The following DNAH5 variants were observed in gnomAD, a reference collection of about 807,000 sequenced individuals.
DNAH5 encodes the protein dynein axonemal heavy chain 5.
A neutral mutation model predicts 518.2 loss-of-function variants in DNAH5; 372 were observed. The ratio of observed to expected loss-of-function variants is 0.72; its 90% CI spans 0.66 to 0.78. DNAH5 has a LOEUF of 0.78. DNAH5 is among the 30% of genes least tolerant of loss of function. The probability of loss-of-function intolerance (pLI) is 0.00; values close to 1 mark genes in which losing one functional copy is unlikely to be tolerated. For synonymous variants in DNAH5, 2,039 were observed against 2,025.9 expected (o/e 1.01, Z -0.17); for missense variants, 5,523 against 5,687.0 (o/e 0.97, Z 0.93).
At chr5:13,749,179 A>G (rs1013144848) in intron 65 of DNAH5, among the ~76,000 whole-genome samples, 1 of 152,160 alleles carries the variant, frequency 6.6e-6, no homozygotes, top group East Asian at 1.9e-4. Flanking sequence ...TGGGAACAAA[A>G]TAAATAAAGG....
At chr5:13,904,131 A>T (rs961671911) in intron 12 of DNAH5, among the ~76,000 whole-genome samples, 17 of 151,656 alleles carry the variant, frequency 1.1e-4, no homozygotes, top group Non-Finnish European at 8.8e-5. Flanking sequence ...TATTAAAAAT[A>T]TAAATAGAAG....
chr5:13,932,748 G>A (rs948441310), intron 1 of DNAH5, among the ~76,000 whole-genome samples: 3 of 152,206 alleles, frequency 2.0e-5, no homozygotes, highest in African/African-American at 7.2e-5. Flanking sequence ...AGGCAGTCAG[G>A]TGGGTGATGG....
intron 1 of DNAH5, among the ~76,000 whole-genome samples, chr5:14,011,200 G>T (rs536887796): frequency 1.6e-4 from 25 of 152,234 alleles, no homozygotes; most frequent in African/African-American, 6.0e-4. Context: ...AAACCCAAGG[G>T]CTAATGAGAG....
rs1012353769 is a variant in DNAH5, at chr5:13,869,751, C to T, written c.3834+1016G>A. On this transcript the variant is annotated intron_variant, in intron 24 of 78. Transcript: ENST00000265104. Reference sequence around the variant, plus strand: ...ATTCTGAAGTTTTGTTTTATACAATCGTTTTGTGTTTTCTAATTTTTCTAC... The same window carrying T: ...ATTCTGAAGTTTTGTTTTATACAATTGTTTTGTGTTTTCTAATTTTTCTAC... Among the ~76,000 whole-genome samples the T allele has an allele frequency of 2.6e-5, 4 of 151,802 alleles. No individual in the cohort carries two copies. In the East Asian group the frequency reaches 5.8e-4, roughly 22 times the overall value.
At position 13,911,513 on chromosome 5, in the gene DNAH5, A is replaced by G. The variant is rs974141007; in HGVS notation, c.1537-20T>C. 6.4e-7 allele frequency: 1 copy of G among 1,556,142 alleles called. No individual in the cohort carries two copies. Among genetic ancestry groups the G allele is most frequent in the Non-Finnish European group, 8.9e-7 (1 of 1,129,100 alleles). On this transcript the variant is annotated intron_variant, in intron 11 of 78. Coordinates refer to ENST00000265104, the MANE Select transcript of DNAH5 (RefSeq NM_001369.3). ...AATGCCCTGAAATATTATGAGATAA[A>G]TTAGATAATATTTCAATATTCTTAT... is the stretch of plus-strand genomic sequence containing the variant.
chr5:13,719,115 T>G lies in DNAH5; in HGVS notation c.12280-14A>C. 6.2e-7 allele frequency: 1 copy of G among 1,600,820 alleles called. No individual in the cohort carries two copies. Among genetic ancestry groups the G allele is most frequent in the Non-Finnish European group, 8.6e-7 (1 of 1,168,182 alleles). ...TGCCCATCCTCCCTGTCAATAGCAG[T>G]AAACGGAAATTAGGTAGTTTTGTAT... On this transcript the variant is annotated splice_polypyrimidine_tract_variant and intron_variant, in intron 71 of 78. Transcript: ENST00000265104.
intron 1 of DNAH5, among the ~76,000 whole-genome samples, chr5:13,976,633 G>A (rs1238462828): frequency 1.3e-5 from 2 of 151,074 alleles, no homozygotes; most frequent in Admixed American, 1.3e-4. Context: ...TATCTAATCT[G>A]TAAACTGAAC....
At chr5:13,894,152 G>A (rs16902904) in intron 16 of DNAH5, among the ~76,000 whole-genome samples, 2,047 of 152,236 alleles carry the variant, frequency 0.013, 47 homozygotes, top group African/African-American at 0.045. Context: ...AGACATATTT[G>A]AGCCCTTCTT....
intron 62 of DNAH5, among the ~76,000 whole-genome samples, chr5:13,753,840 T>C (rs535730204): frequency 7.2e-5 from 11 of 152,142 alleles, no homozygotes; most frequent in Non-Finnish European, 1.5e-4. Context: ...TAAAACCTCA[T>C]AAGACAGAGC....
At chr5:13,875,028 C>G (rs1182849633) in intron 22 of DNAH5, among the ~76,000 whole-genome samples, 3 of 152,184 alleles carry the variant, frequency 2.0e-5, no homozygotes, top group Non-Finnish European at 2.9e-5. Flanking sequence ...ACTAAGTGTA[C>G]ATATATTCTC....
At chr5:13,963,021 C>T (rs1468277877) in intron 1 of DNAH5, among the ~76,000 whole-genome samples, 8 of 152,050 alleles carry the variant, frequency 5.3e-5, no homozygotes, top group East Asian at 1.9e-4. Context: ...CCAAGTGCTC[C>T]GCCATTTTGA....
upstream of DNAH5, among the ~76,000 whole-genome samples, chr5:13,949,231 G>A (rs931094349): frequency 2.0e-5 from 3 of 152,094 alleles, no homozygotes; most frequent in Admixed American, 2.0e-4. Flanking sequence ...TTTTCCTTTT[G>A]GTCTTTCCAT....
intron 43 of DNAH5, 112 bp downstream of exon 43, chr5:13,814,493 G>T: frequency 9.9e-7 from 1 of 1,012,888 alleles, no homozygotes; most frequent in Non-Finnish European, 1.5e-6. Context: ...ACAAACATTA[G>T]CATAAAAATG....
intron 12 of DNAH5, among the ~76,000 whole-genome samples, chr5:13,904,544 T>C (rs1775057460): frequency 6.6e-6 from 1 of 151,356 alleles, no homozygotes; most frequent in Non-Finnish European, 1.5e-5. Context: ...ATTATGTGTG[T>C]GTGTGTGTTT....
chr5:13,707,398 C>T lies in DNAH5; in HGVS notation c.13338+725G>A, dbSNP rs575389615. ...ACCCAGGAAACAGAAAGCCCTCTGT[C>T]CTTGCGATAAAGAGGGTCTAATTGA... On this transcript the variant is annotated intron_variant, in intron 76 of 78. Transcript: ENST00000265104. This position sits in a 1 kb window ranked among gnomAD's most constrained non-coding sequence, Gnocchi z 4.0. Among the ~76,000 whole-genome samples the T allele has an allele frequency of 1.3e-5, 2 of 152,314 alleles. No homozygotes were observed. The highest frequency in any genetic ancestry group is 2.9e-5 in the Non-Finnish European group (2 of 68,036).
At chr5:13,800,481 C>T (rs1758577987) in intron 47 of DNAH5, among the ~76,000 whole-genome samples, 1 of 152,178 alleles carries the variant, frequency 6.6e-6, no homozygotes, top group African/African-American at 2.4e-5. Flanking sequence ...AAAATTTCCA[C>T]ATCTAACAAC....
At chr5:13,761,865 G>GTATCA (rs1226921108) in intron 60 of DNAH5, among the ~76,000 whole-genome samples, 8 of 152,224 alleles carry the variant, frequency 5.3e-5, no homozygotes, top group Non-Finnish European at 1.0e-4. Flanking sequence ...TATGGTCCTG[G>GTATCA]TATCACAACA....
At chr5:13,737,567 C>T in intron 65 of DNAH5, 72 bp from the exon 66 acceptor site, 1 of 1,503,052 alleles carries the variant, frequency 6.7e-7, no homozygotes, top group Non-Finnish European at 9.2e-7. Flanking sequence ...AGACGTTAAC[C>T]TACATGGCTG....
chr5:13,893,532 T>A (rs1431360736), intron 16 of DNAH5, among the ~76,000 whole-genome samples: 1 of 152,138 alleles, frequency 6.6e-6, no homozygotes, highest in African/African-American at 2.4e-5. Context: ...GTAACACCAT[T>A]TTGTATCCCA....
Sources: allele counts gnomAD v4.1 joint callset (sites outside exome capture counted in the v4.1 genomes callset), GRCh38; gene constraint gnomAD v4.1.1; non-coding constraint Gnocchi (gnomAD v3.1); transcripts MANE v1.5; gene names NCBI Gene and HGNC (gene_info 2026-07-23, HGNC 2026-07-21).